HMCES: variants seen among roughly 807,000 people sequenced by gnomAD.
HMCES encodes the protein 5-hydroxymethylcytosine binding, ES cell specific.
In HMCES, 27 loss-of-function variants were observed where a neutral mutation model predicts 35.1. The observed-to-expected ratio is 0.77, with a 90% confidence interval of 0.57 to 1.06. HMCES has a LOEUF of 1.06. Among genes scored for constraint, HMCES ranks in the 50% least tolerant of loss-of-function variants. HMCES has a pLI of 0.00. For synonymous variants in HMCES, 130 were observed against 154.7 expected (o/e 0.84, Z 1.18); for missense variants, 391 against 430.4 (o/e 0.91, Z 0.81).
chr3:129,297,533 G>A (rs1015789446), intron 4 of HMCES, among the ~76,000 whole-genome samples: 1 of 152,110 alleles, frequency 6.6e-6, no homozygotes, highest in African/African-American at 2.4e-5. Flanking sequence ...GCCCTGTGCC[G>A]TCTTTTTCGA....
At chr3:129,289,020 T>C in intron 3 of HMCES, 23 bp downstream of exon 3, 1 of 1,530,544 alleles carries the variant, frequency 6.5e-7, no homozygotes, top group Non-Finnish European at 8.9e-7. Flanking sequence ...TAGCTATTAG[T>C]GCCCCGTATA....
At chr3:129,299,254 C>A (rs186468927) in intron 5 of HMCES, among the ~76,000 whole-genome samples, 26 of 152,288 alleles carry the variant, frequency 1.7e-4, no homozygotes, top group African/African-American at 5.8e-4. Flanking sequence ...AGAAATGCAT[C>A]TCATGAGTTA....
chr3:129,302,552 A>G (rs1342061732), intron 6 of HMCES, among the ~76,000 whole-genome samples: 1 of 152,134 alleles, frequency 6.6e-6, no homozygotes, highest in South Asian at 2.1e-4. Context: ...GTCTCTACTA[A>G]AAATACAAAA....
At position 129,288,982 on chromosome 3, in the gene HMCES, G is replaced by GA; in HGVS notation, c.315dup (p.Arg106ThrfsTer4). The GA allele has an allele frequency of 6.4e-7, 1 of 1,567,980 alleles. No homozygotes were observed. The highest frequency in any genetic ancestry group is 8.7e-7 in the Non-Finnish European group (1 of 1,144,910). The stretch of plus-strand genomic sequence containing the variant: ...ACTGTCGTAGTGATACCGTAATGGA[G>GA]AAACGGTCATTTAAGGTAGGTGGCT... On this transcript the variant is annotated frameshift_variant, in exon 3 of 7. Coordinates refer to ENST00000383463, the MANE Select transcript of HMCES (RefSeq NM_020187.3). LOFTEE classifies it high-confidence loss of function.
chr3:129,283,913 AG>A (rs1259396015), intron 2 of HMCES, among the ~76,000 whole-genome samples: 1 of 152,242 alleles, frequency 6.6e-6, no homozygotes, highest in Non-Finnish European at 1.5e-5. Context: ...TTGAGCTGCC[AG>A]AAGGCAAATT....
At chr3:129,302,440 C>T (rs1405779789) in intron 6 of HMCES, among the ~76,000 whole-genome samples, 3 of 152,122 alleles carry the variant, frequency 2.0e-5, no homozygotes, top group Non-Finnish European at 1.5e-5. Context: ...TCAGGCTGGG[C>T]GCAGTGGCTC....
At chr3:129,295,027 C>T (rs1487599272) in intron 4 of HMCES, among the ~76,000 whole-genome samples, 2 of 151,588 alleles carry the variant, frequency 1.3e-5, no homozygotes, top group African/African-American at 2.4e-5. Context: ...GGCGTGGTGG[C>T]GGGCACCTGT....
chr3:129,304,712 T>C lies in HMCES; in HGVS notation c.952T>C (p.Phe318Leu). 2 of 1,613,998 alleles carry C rather than the reference T, an allele frequency of 1.2e-6. No homozygotes were observed. The highest frequency in any genetic ancestry group is 2.2e-5 in the South Asian group (2 of 91,058). ...AGATGTTCCCCAGTGGTCCAGTCAG[T>C]TCCTGCAGAAGAGTCCACTCCCCAC... ...ESDVPQWSSQ[F>L]LQKSPLPTKR... The change falls in exon 7 of 7, where the codon TTC (phenylalanine) becomes CTC (leucine). Residue 318 changes from phenylalanine (F) to leucine (L), a missense_variant. Coordinates refer to ENST00000383463, the MANE Select transcript of HMCES (RefSeq NM_020187.3).
rs2107700141 is a variant in HMCES, at chr3:129,302,133, G to T, written c.819G>T (p.Val273=). 1 of 1,609,760 alleles carries T rather than the reference G, an allele frequency of 6.2e-7. No individual in the cohort carries two copies. Among genetic ancestry groups the T allele is most frequent in the South Asian group, 1.1e-5 (1 of 90,156 alleles). The change falls in exon 6 of 7, where the codon GTG becomes GTT. Residue 273 remains valine, a synonymous_variant. Coordinates refer to ENST00000383463, the MANE Select transcript of HMCES (RefSeq NM_020187.3). The part of the protein sequence containing the change: ...TPECLAPVDL[V]VKKELRASGS... ...AGTGTCTGGCTCCTGTCGACTTGGT[G>T]GTCAAAAAGGTAGGGGCCTGTGACT...
intron 2 of HMCES, among the ~76,000 whole-genome samples, chr3:129,285,971 C>A (rs1319044056): frequency 6.6e-6 from 1 of 152,066 alleles, no homozygotes; most frequent in Admixed American, 6.6e-5. Flanking sequence ...CTGAGGTGAT[C>A]CGCTCGCCTC....
chr3:129,287,886 C>T (rs889422716), intron 2 of HMCES, among the ~76,000 whole-genome samples: 2 of 151,930 alleles, frequency 1.3e-5, no homozygotes, highest in African/African-American at 2.4e-5. Flanking sequence ...GGTGAAACCC[C>T]GTCTTTAGTA....
chr3:129,291,131 G>A (rs912978792), intron 4 of HMCES, among the ~76,000 whole-genome samples: 7 of 152,084 alleles, frequency 4.6e-5, no homozygotes, highest in Non-Finnish European at 8.8e-5. Flanking sequence ...GAACCCACGA[G>A]ATAGAGGCTG....
intron 4 of HMCES, among the ~76,000 whole-genome samples, chr3:129,295,247 T>C (rs999661982): frequency 6.6e-6 from 1 of 151,276 alleles, no homozygotes; most frequent in Admixed American, 6.6e-5. Flanking sequence ...CAGTGGTTTT[T>C]AGTATATTCA....
chr3:129,290,809 C>A lies in HMCES; in HGVS notation c.453+5C>A. The A allele has an allele frequency of 6.2e-7, 1 of 1,610,552 alleles. No individual in the cohort carries two copies. Among genetic ancestry groups the A allele is most frequent in the African/African-American group, 1.3e-5 (1 of 74,922 alleles). Reference sequence around the variant, plus strand: ...CCTCAAATCAAGACAGAGAAGGTATCATTATCAGCATTCACAATATATATT... The same window carrying A: ...CCTCAAATCAAGACAGAGAAGGTATAATTATCAGCATTCACAATATATATT... On this transcript the variant is annotated splice_donor_5th_base_variant and intron_variant, in intron 4 of 6. Transcript: ENST00000383463.
intron 5 of HMCES, among the ~76,000 whole-genome samples, chr3:129,299,678 GTC>G (rs1301627736): frequency 1.6e-5 from 2 of 124,364 alleles, no homozygotes; most frequent in African/African-American, 6.1e-5. Context: ...TTGAGACAGA[GTC>G]TCACTCTGTC....
chr3:129,296,462 G>T (rs768396268), intron 4 of HMCES, among the ~76,000 whole-genome samples: 1 of 152,064 alleles, frequency 6.6e-6, no homozygotes, highest in Non-Finnish European at 1.5e-5. Context: ...TTTTCCACAA[G>T]AGTCTTTGAC....
chr3:129,295,095 C>T (rs62266899), intron 4 of HMCES, among the ~76,000 whole-genome samples: 1 of 146,674 alleles, frequency 6.8e-6, no homozygotes, highest in Non-Finnish European at 1.5e-5. Context: ...GGAGGCAGAG[C>T]TTGCAGTGAA....
In HMCES at chr3:129,305,619, A is replaced by C. The variant is rs909908477; in HGVS notation, c.*794A>C. On this transcript the variant is annotated 3_prime_UTR_variant, in exon 7 of 7. Coordinates refer to ENST00000383463, the MANE Select transcript of HMCES (RefSeq NM_020187.3). ...GCCACTCCTCTTTCGAACATCCCTA[A>C]GGGAGGCATTCACAAAAGCTGTCCC... 2 of 152,196 alleles carry C rather than the reference A, an allele frequency of 1.3e-5. No homozygotes were observed. The highest frequency in any genetic ancestry group is 2.9e-5 in the Non-Finnish European group (2 of 68,050). The allele number at this position is 152,196 out of a possible 1,614,324, so 9.4% of individuals were successfully genotyped here. A position where few individuals can be genotyped will look rare whatever the true frequency, so the allele number is the denominator to read the frequency against.
intron 4 of HMCES, among the ~76,000 whole-genome samples, chr3:129,293,264 T>G (rs1295458901): frequency 6.6e-6 from 1 of 152,186 alleles, no homozygotes; most frequent in Non-Finnish European, 1.5e-5. Flanking sequence ...AGAGTTTGCC[T>G]CACCCTCAGA....
Sources: gnomAD v4.1 joint callset for allele counts (sites outside exome capture counted in the v4.1 genomes callset) on GRCh38, gnomAD v4.1.1 for gene constraint, MANE v1.5 for transcripts, NCBI Gene and HGNC (gene_info 2026-07-23, HGNC 2026-07-21) for gene names.